The following KIF1B variants were observed in gnomAD, a reference collection of about 807,000 sequenced individuals.
KIF1B encodes kinesin-like protein KIF1B.
A neutral mutation model predicts 241.9 loss-of-function variants in KIF1B; 76 were observed. That is an observed-to-expected ratio of 0.31 (90% CI 0.26 to 0.38). KIF1B has a LOEUF of 0.38. KIF1B is among the 10% of genes least tolerant of loss of function. The pLI, the probability that KIF1B is intolerant of heterozygous loss-of-function variation, is 1.00. For synonymous variants in KIF1B, 750 were observed against 796.7 expected, an observed-to-expected ratio of 0.94 and a Z score of 0.99; for missense variants, 1,622 against 2,271.4, an observed-to-expected ratio of 0.71 and a Z score of 5.81.
At chr1:10,295,186 G>A (rs1650200309) in intron 18 of KIF1B, 21 bp downstream of exon 18, 2 of 1,454,712 alleles carry the variant, frequency 1.4e-6, no homozygotes, top group Non-Finnish European at 9.7e-7. Flanking sequence ...TTCCTGTTTT[G>A]GTCACTTCGT....
chr1:10,278,540 A>G (rs10492970), intron 13 of KIF1B: 7,573 of 236,118 alleles, frequency 0.032, 158 homozygotes, highest in Middle Eastern at 0.087. Flanking sequence ...TGGCAGTAAT[A>G]TAAGAAACGC....
intron 2 of KIF1B, among the ~76,000 whole-genome samples, chr1:10,235,627 G>A (rs975956423): frequency 6.6e-6 from 1 of 152,164 alleles, no homozygotes; most frequent in African/African-American, 2.4e-5. Context: ...TTGGGAGGCC[G>A]AGGTGGGTGG....
intron 2 of KIF1B, among the ~76,000 whole-genome samples, chr1:10,249,396 GTTTTTC>G (rs1004448713): frequency 1.3e-5 from 2 of 151,760 alleles, no homozygotes; most frequent in African/African-American, 4.8e-5. Context: ...GCTATACACT[GTTTTTC>G]TTTTTATGCT....
intron 2 of KIF1B, among the ~76,000 whole-genome samples, chr1:10,254,215 G>C (rs1267250814): frequency 6.6e-6 from 1 of 152,222 alleles, no homozygotes; most frequent in Non-Finnish European, 1.5e-5. Context: ...CTGGATTAAT[G>C]ACATGATAAA....
chr1:10,276,264 C>T, intron 11 of KIF1B, 57 bp from the exon 12 acceptor site: 1 of 1,094,214 alleles, frequency 9.1e-7, no homozygotes, highest in Non-Finnish European at 1.4e-6. Flanking sequence ...TGACACATTC[C>T]ATAAAATTTT....
intron 22 of KIF1B, among the ~76,000 whole-genome samples, chr1:10,318,179 T>G (rs1651378442): frequency 6.6e-6 from 1 of 151,358 alleles, no homozygotes; most frequent in African/African-American, 2.5e-5. Context: ...TGCCTGCCCA[T>G]CTAAAGAGAA....
At position 10,323,891 on chromosome 1, in the gene KIF1B, T is replaced by C. The variant is rs1368204981; in HGVS notation, c.2366T>C (p.Phe789Ser). Residue 789 changes from phenylalanine (F) to serine (S), a missense_variant, in exon 25 of 49, where the codon TTT (phenylalanine) becomes TCT (serine). By Grantham distance (155) the Phe-to-Ser change is radical. This residue lies in a region of KIF1B where 803 missense variants were observed against 1,112.0 expected (regional missense o/e 0.72). Coordinates refer to ENST00000676179, the MANE Select transcript of KIF1B (RefSeq NM_001365951.3). ...TTTATTCTTTCTATTCAGGTGCAGT[T>C]TCAGTTTGTTCTGCTGACTGACACA... ...ISVELKKKVQ[F>S]QFVLLTDTLY... 6.2e-7 allele frequency: 1 copy of C among 1,613,806 alleles called. No homozygotes were observed. The highest frequency in any genetic ancestry group is 8.5e-7 in the Non-Finnish European group (1 of 1,179,790).
chr1:10,252,044 A>G (rs573331322), intron 2 of KIF1B, among the ~76,000 whole-genome samples: 1 of 151,750 alleles, frequency 6.6e-6, no homozygotes, highest in East Asian at 1.9e-4. Context: ...ATATTTATTT[A>G]TTTATTTATT....
chr1:10,372,656 TGACAGA>T lies in KIF1B; in HGVS notation c.4946+1396_4946+1401del, dbSNP rs1411952081. Among the ~76,000 whole-genome samples, 3 of 113,918 alleles carry T rather than the reference TGACAGA, an allele frequency of 2.6e-5. No homozygotes were observed. The East Asian group carries it at 9.8e-4, about 37-fold the overall frequency. The allele number at this position is 113,918 out of a possible 152,430, so 74.7% of individuals were successfully genotyped here. On this transcript the variant is annotated intron_variant, in intron 45 of 48. Coordinates refer to ENST00000676179, the MANE Select transcript of KIF1B (RefSeq NM_001365951.3). The stretch of plus-strand genomic sequence containing the variant: ...TTGCGCCGCTGCGCGCCAGCTTGGG[TGACAGA>T]GCTGTCACCCAAGCTGGCGCGCAGC...
chr1:10,265,181 C>T (rs1475047096), intron 5 of KIF1B, among the ~76,000 whole-genome samples: 1 of 150,940 alleles, frequency 6.6e-6, no homozygotes, highest in Non-Finnish European at 1.5e-5. Flanking sequence ...TGGCCAAGTT[C>T]TTAATTTTTT....
Position 10,304,771 on chromosome 1 carries a change from T to G in KIF1B, c.2115+7525T>G, listed in dbSNP as rs780582909. 176 of 1,536,110 alleles carry G rather than the reference T, an allele frequency of 1.1e-4. 1 individual carries two copies. Among genetic ancestry groups the G allele is most frequent in the Non-Finnish European group, 1.4e-4 (165 of 1,142,468 alleles). On this transcript the variant is annotated intron_variant, in intron 22 of 48. Transcript: ENST00000676179. Reference sequence around the variant, plus strand: ...TTACATTATAAATATTAACTGGTTTTATATTGTTAAGACAAAACACTGGTA... The same window carrying G: ...TTACATTATAAATATTAACTGGTTTGATATTGTTAAGACAAAACACTGGTA...
chr1:10,327,135 C>T (rs1012097972), intron 27 of KIF1B, among the ~76,000 whole-genome samples: 5 of 152,064 alleles, frequency 3.3e-5, no homozygotes, highest in African/African-American at 1.2e-4. Context: ...CTTTGGGAGG[C>T]TGAGGTGGGT....
intron 1 of KIF1B, among the ~76,000 whole-genome samples, chr1:10,229,172 T>C (rs1481810242): frequency 6.6e-6 from 1 of 152,140 alleles, no homozygotes; most frequent in Non-Finnish European, 1.5e-5. Flanking sequence ...AAATGCTAAG[T>C]TTTCATTTGA....
At chr1:10,280,817 C>G (rs564506283) in intron 14 of KIF1B, among the ~76,000 whole-genome samples, 1 of 152,164 alleles carries the variant, frequency 6.6e-6, no homozygotes, top group African/African-American at 2.4e-5. Context: ...TTAGCAGCTG[C>G]GGCATTTCCT....
chr1:10,343,389 C>A, intron 34 of KIF1B, 102 bp downstream of exon 34: 1 of 1,070,186 alleles, frequency 9.3e-7, no homozygotes, highest in Non-Finnish European at 1.4e-6. Context: ...TCCTATTCTT[C>A]TATATATCCA....
Position 10,365,273 on chromosome 1 carries a change from C to G in KIF1B, c.4512+28C>G. The G allele has an allele frequency of 6.2e-7, 1 of 1,613,584 alleles. No individual in the cohort carries two copies. The highest frequency in any genetic ancestry group is 2.2e-5 in the East Asian group (1 of 44,856). The stretch of plus-strand genomic sequence containing the variant: ...ATCCAGGGGCAGGGTTGTTCAGATG[C>G]AAGAACTCTCGGACAAGATTGCCAA... On this transcript the variant is annotated intron_variant, in intron 42 of 48. Transcript: ENST00000676179. This position sits in a 1 kb window ranked among gnomAD's most constrained non-coding sequence, Gnocchi z 4.0.
rs939530222 is a variant in KIF1B, at chr1:10,311,287, T to C, written c.2116-8756T>C. Among the ~76,000 whole-genome samples the C allele has an allele frequency of 4.0e-5, 6 of 150,568 alleles. No homozygotes were observed. The South Asian group carries it at 8.4e-4, about 21-fold the overall frequency. ...TGGAGTGCAGTGGCACGATCTGAGCTTACTGCAACCTCTACCTTCCGGGTT... is the reference window on the plus strand; with the variant it reads ...TGGAGTGCAGTGGCACGATCTGAGCCTACTGCAACCTCTACCTTCCGGGTT... On this transcript the variant is annotated intron_variant, in intron 22 of 48. Transcript: ENST00000676179.
intron 44 of KIF1B, among the ~76,000 whole-genome samples, chr1:10,369,179 T>C (rs1557742259): frequency 6.6e-6 from 1 of 152,246 alleles, no homozygotes. Flanking sequence ...CTTTCCTGCT[T>C]TATTTTTTGC....
Position 10,256,339 on chromosome 1 carries a change from C to G in KIF1B, c.183+16C>G. The G allele has an allele frequency of 1.3e-6, 2 of 1,544,848 alleles. No homozygotes were observed. Among genetic ancestry groups the G allele is most frequent in the Non-Finnish European group, 1.8e-6 (2 of 1,116,808 alleles). Reference sequence around the variant, plus strand: ...TCATACCTCAGTGAGTACCCTCATGCCACAGCACTGCCAGCTCCTGCCTCC... The same window carrying G: ...TCATACCTCAGTGAGTACCCTCATGGCACAGCACTGCCAGCTCCTGCCTCC... On this transcript the variant is annotated intron_variant, in intron 3 of 48. Coordinates refer to ENST00000676179, the MANE Select transcript of KIF1B (RefSeq NM_001365951.3).
Sources: gnomAD v4.1 joint callset for allele counts (sites outside exome capture counted in the v4.1 genomes callset) on GRCh38, gnomAD v4.1.1 for gene constraint, gnomAD v4.1.1 regional missense constraint, Gnocchi (gnomAD v3.1) non-coding constraint, MANE v1.5 for transcripts, NCBI Gene and HGNC (gene_info 2026-07-23, HGNC 2026-07-21) for gene names.